Variants in TMEM132C observed in about 807,000 individuals in gnomAD.
The protein encoded by TMEM132C is protein phosphatase 1, regulatory subunit 152.
Under a neutral mutation model 61.4 loss-of-function variants are expected in TMEM132C, and 29 were observed. The ratio of observed to expected loss-of-function variants is 0.47; its 90% CI spans 0.35 to 0.64. The LOEUF is 0.64. Ranked by LOEUF, TMEM132C falls within the 30% of genes least tolerant of loss-of-function variation. TMEM132C has a pLI of 0.00. For synonymous variants in TMEM132C, 656 were observed against 633.1 expected (o/e 1.04, Z -0.54); for missense variants, 1,408 against 1,476.9 (o/e 0.95, Z 0.76).
chr12:128,437,204 G>C (rs1256782296), intron 2 of TMEM132C, among the ~76,000 whole-genome samples: 3 of 152,172 alleles, frequency 2.0e-5, no homozygotes, highest in Non-Finnish European at 4.4e-5. Context: ...TAAATGACAA[G>C]TTAATAGGTA....
intron 2 of TMEM132C, among the ~76,000 whole-genome samples, chr12:128,539,277 C>G (rs570389412): frequency 2.0e-5 from 3 of 152,198 alleles, no homozygotes; most frequent in African/African-American, 7.2e-5. Context: ...AACACATGCT[C>G]AAGTAGGTTC....
At chr12:128,635,462 C>CTTTTTTTTTTTTTTTTTTTTTTTTTTT in intron 4 of TMEM132C, among the ~76,000 whole-genome samples, 1 of 130,440 alleles carries the variant, frequency 7.7e-6, no homozygotes, top group Non-Finnish European at 1.7e-5. Flanking sequence ...TGAGTTTTTT[C>CTTTTTTTTTTTTTTTTTTTTTTTTTTT]TTTTTTTTTT....
chr12:128,464,961 C>G (rs1241596405), intron 2 of TMEM132C, among the ~76,000 whole-genome samples: 6 of 152,106 alleles, frequency 3.9e-5, no homozygotes, highest in Non-Finnish European at 8.8e-5. Context: ...GAGAGTAGGA[C>G]AGAAGCAGAC....
chr12:128,318,470 CT>C (rs1029200811), intron 1 of TMEM132C, among the ~76,000 whole-genome samples: 1 of 152,126 alleles, frequency 6.6e-6, no homozygotes, highest in Non-Finnish European at 1.5e-5. Flanking sequence ...TTGCTAAAGG[CT>C]TTTGCACGAG....
intron 1 of TMEM132C, among the ~76,000 whole-genome samples, chr12:128,334,599 C>CTT (rs202233227): frequency 1.8e-4 from 26 of 143,384 alleles, no homozygotes; most frequent in African/African-American, 4.3e-4. Context: ...TTTCACTTTC[C>CTT]TTTTTTTTTT....
At chr12:128,555,580 G>T (rs1318108513) in intron 3 of TMEM132C, among the ~76,000 whole-genome samples, 1 of 152,064 alleles carries the variant, frequency 6.6e-6, no homozygotes, top group African/African-American at 2.4e-5. Context: ...AGTTGTGTGG[G>T]TCTCCATAAA....
At chr12:128,407,231 GCA>G (rs780430401) in intron 1 of TMEM132C, among the ~76,000 whole-genome samples, 53 of 152,202 alleles carry the variant, frequency 3.5e-4, no homozygotes, top group Non-Finnish European at 7.1e-4. Flanking sequence ...CACTTCCCCT[GCA>G]CACACACTCT....
chr12:128,698,861 G>A (rs1954784053), intron 8 of TMEM132C, among the ~76,000 whole-genome samples: 1 of 152,200 alleles, frequency 6.6e-6, no homozygotes, highest in Admixed American at 6.5e-5. Context: ...TGGGACAGGC[G>A]ACAGGGCCCA....
At chr12:128,534,008 C>G (rs533125387) in intron 2 of TMEM132C, among the ~76,000 whole-genome samples, 4 of 152,040 alleles carry the variant, frequency 2.6e-5, no homozygotes, top group African/African-American at 9.6e-5. Context: ...CACTCACACA[C>G]CCCAGCAGGC....
chr12:128,591,200 ACAAT>A (rs978745459), intron 3 of TMEM132C, among the ~76,000 whole-genome samples: 9 of 152,354 alleles, frequency 5.9e-5, no homozygotes, highest in African/African-American at 1.9e-4. Flanking sequence ...AACTATCACC[ACAAT>A]CAATTTTAGA....
chr12:128,514,867 A>G (rs1421424070), intron 2 of TMEM132C, among the ~76,000 whole-genome samples: 1 of 152,244 alleles, frequency 6.6e-6, no homozygotes, highest in Non-Finnish European at 1.5e-5. Context: ...TCTAGTGAGG[A>G]AACTCAGACA....
chr12:128,573,619 A>T (rs1459387564), intron 3 of TMEM132C, among the ~76,000 whole-genome samples: 3 of 151,542 alleles, frequency 2.0e-5, no homozygotes, highest in East Asian at 1.9e-4. Flanking sequence ...TAAAAATTTT[A>T]AAAAAGATTA....
rs1040136084 is a variant in TMEM132C at position 128,447,750 on chromosome 12, C to T, written c.974+32130C>T. Among the ~76,000 whole-genome samples the T allele has an allele frequency of 4.1e-4, 28 of 69,114 alleles. 1 individual carries two copies. The highest frequency in any genetic ancestry group is 9.7e-4 in the East Asian group (2 of 2,060). 45.3% of individuals were successfully genotyped at this position (69,114 alleles called of 152,430 possible). On this transcript the variant is annotated intron_variant, in intron 2 of 8. Transcript: ENST00000435159. ...TTTTTTTTTTTTTGAGACGGAGTCT[C>T]GCTCTGTCGCCCAGGCCGGACTGCG...
rs928187900 is a variant in TMEM132C, at chr12:128,267,305, T to A, written c.-98T>A. 2 of 777,928 alleles carry A rather than the reference T, an allele frequency of 2.6e-6. No individual in the cohort carries two copies. Among genetic ancestry groups the A allele is most frequent in the African/African-American group, 3.8e-5 (2 of 52,338 alleles). The allele number at this position is 777,928 out of a possible 1,614,324, so 48.2% of individuals were successfully genotyped here. The stretch of plus-strand genomic sequence containing the variant: ...ACGCAGCGGGCCCGGCCGACCGGGC[T>A]GCGGGAGTGGCCCCGGGCATGGGGC... On this transcript the variant is annotated 5_prime_UTR_variant, in exon 1 of 9. Coordinates refer to ENST00000435159, the MANE Select transcript of TMEM132C (RefSeq NM_001136103.3).
intron 5 of TMEM132C, among the ~76,000 whole-genome samples, chr12:128,677,444 G>A (rs1396389787): frequency 6.6e-6 from 1 of 152,150 alleles, no homozygotes; most frequent in African/African-American, 2.4e-5. Context: ...TGGGCGACAT[G>A]AATAGGACAC....
chr12:128,457,327 G>A (rs548681110), intron 2 of TMEM132C, among the ~76,000 whole-genome samples: 5 of 146,354 alleles, frequency 3.4e-5, no homozygotes, highest in East Asian at 2.0e-4. Flanking sequence ...AAAAAACAGC[G>A]CTTTGGGAGG....
In TMEM132C at chr12:128,415,613, A is replaced by T; in HGVS notation, c.967A>T (p.Ile323Phe). ...GAGCAATTCCTCTGTGGACCTCTTC[A>T]TCTTGAGGTAGGTGCCCATGCTTGC... is the stretch of plus-strand genomic sequence containing the variant. ...ISSNSSVDLF[I>F]LRAKVKKGVN... The change falls in exon 2 of 9, where the codon ATC (isoleucine) becomes TTC (phenylalanine). Residue 323 changes from isoleucine (I) to phenylalanine (F), a missense_variant. Transcript: ENST00000435159. This position sits in a 1 kb window ranked among gnomAD's most constrained non-coding sequence, Gnocchi z 5.8. 6.6e-7 allele frequency: 1 copy of T among 1,525,752 alleles called. No individual in the cohort carries two copies. The highest frequency in any genetic ancestry group is 1.4e-5 in the African/African-American group (1 of 72,754). 94.5% of individuals were successfully genotyped at this position (1,525,752 alleles called of 1,614,324 possible).
chr12:128,422,050 A>C (rs10847613), intron 2 of TMEM132C, among the ~76,000 whole-genome samples: 79,082 of 152,074 alleles, frequency 0.52, 21,635 homozygotes, highest in East Asian at 0.62. Flanking sequence ...AGTCTTCTTG[A>C]AATAAAGATC....
intron 2 of TMEM132C, among the ~76,000 whole-genome samples, chr12:128,491,678 G>A (rs1456757189): frequency 1.3e-5 from 2 of 152,050 alleles, no homozygotes; most frequent in African/African-American, 2.4e-5. Flanking sequence ...TGCGGACCTG[G>A]TGCTGACCCA....
Sources: allele counts gnomAD v4.1 joint callset (sites outside exome capture counted in the v4.1 genomes callset), GRCh38; gene constraint gnomAD v4.1.1; non-coding constraint Gnocchi (gnomAD v3.1); transcripts MANE v1.5; gene names NCBI Gene and HGNC (gene_info 2026-07-23, HGNC 2026-07-21).